The following APBA1 variants were observed in gnomAD, a reference collection of about 807,000 sequenced individuals.
The protein encoded by APBA1 is amyloid-beta A4 precursor protein-binding family A member 1.
APBA1 carries 55 observed loss-of-function variants against 86.6 expected under a neutral mutation model. The observed-to-expected ratio is 0.64, with a 90% CI of 0.51 to 0.80. The LOEUF (loss-of-function observed/expected upper bound fraction) is 0.80, where lower values mean the gene tolerates loss of function less well. Ranked by LOEUF, APBA1 falls within the 30% of genes least tolerant of loss-of-function variation. APBA1 has a pLI of 0.00. For missense variants in APBA1, 1,090 were observed against 1,183.0 expected, an observed-to-expected ratio of 0.92 and a Z score of 1.15; for synonymous variants, 511 against 493.9, an observed-to-expected ratio of 1.03 and a Z score of -0.46.
intron 1 of APBA1, among the ~76,000 whole-genome samples, chr9:69,549,948 T>C (rs1441319590): frequency 1.3e-5 from 2 of 152,222 alleles, no homozygotes; most frequent in Non-Finnish European, 2.9e-5. Context: ...ATCTGGAGTC[T>C]GGTATACATA....
intron 1 of APBA1, among the ~76,000 whole-genome samples, chr9:69,549,415 T>C (rs969041466): frequency 1.3e-5 from 2 of 152,226 alleles, no homozygotes; most frequent in African/African-American, 4.8e-5. Context: ...GCCTCTGCAC[T>C]TTTTGTCGTC....
rs148431058 is a variant in APBA1 at position 69,445,122 on chromosome 9, G to A, written c.2182-4007C>T. 2.2e-3 allele frequency among the ~76,000 whole-genome samples: 340 copies of A among 152,230 alleles called. 4 individuals are homozygous for A. Among genetic ancestry groups the A allele is most frequent in the African/African-American group, 7.2e-3 (300 of 41,536 alleles). On this transcript the variant is annotated intron_variant, in intron 10 of 12. Transcript: ENST00000265381. ...TACAGAAAATGTTACCCAACATACCGAAAAGCAAGAGAATGACTCTATTTT... is the reference window on the plus strand; with the variant it reads ...TACAGAAAATGTTACCCAACATACCAAAAAGCAAGAGAATGACTCTATTTT...
chr9:69,501,196 T>C (rs557117733), intron 2 of APBA1, among the ~76,000 whole-genome samples: 1 of 152,156 alleles, frequency 6.6e-6, no homozygotes, highest in South Asian at 2.1e-4. Flanking sequence ...GTGGCCTGTG[T>C]CTAAACAGAA....
In APBA1 at chr9:69,467,679, A is replaced by G. The variant is rs183454911; in HGVS notation, c.1482+144T>C. 1.7e-4 allele frequency: 191 copies of G among 1,126,398 alleles called. 1 individual carries two copies. Among genetic ancestry groups the G allele is most frequent in the Non-Finnish European group, 2.3e-4 (184 of 808,526 alleles). 69.8% of individuals were successfully genotyped at this position (1,126,398 alleles called of 1,614,324 possible). ...TTTTGGAAATTTTTGTTTTGTTAGC[A>G]GGCACATGGATAAGCACTGCCTGTG... On this transcript the variant is annotated intron_variant, in intron 5 of 12. Coordinates refer to ENST00000265381, the MANE Select transcript of APBA1 (RefSeq NM_001163.4).
At chr9:69,456,216 C>T in intron 8 of APBA1, 31 bp downstream of exon 8, 1 of 1,613,458 alleles carries the variant, frequency 6.2e-7, no homozygotes, top group Non-Finnish European at 8.5e-7. Context: ...AGAACCTAAC[C>T]CAAAAGGAGA....
rs1251649169 is a variant in APBA1 at position 69,607,404 on chromosome 9, CA to C, written c.-70+64748del. On this transcript the variant is annotated intron_variant, in intron 1 of 12. Coordinates refer to ENST00000265381, the MANE Select transcript of APBA1 (RefSeq NM_001163.4). ...CCCCCATGATTCAATTACCTCCCAC[CA>C]GGTCCCTCCCATGACACATGGGAAT... Among the ~76,000 whole-genome samples the C allele has an allele frequency of 7.9e-5, 12 of 152,274 alleles. No individual in the cohort carries two copies. In the East Asian group the frequency reaches 2.1e-3, roughly 27 times the overall value.
intron 2 of APBA1, among the ~76,000 whole-genome samples, chr9:69,498,586 C>T (rs1214451248): frequency 2.6e-5 from 4 of 152,114 alleles, no homozygotes; most frequent in Admixed American, 1.3e-4. Flanking sequence ...AGATTGTACA[C>T]TCTGCACCAG....
chr9:69,542,303 C>T (rs949009487), intron 1 of APBA1, among the ~76,000 whole-genome samples: 8 of 152,168 alleles, frequency 5.3e-5, no homozygotes, highest in South Asian at 4.2e-4. Context: ...CTTGGGAGTT[C>T]GCGCATGATG....
intron 5 of APBA1, 138 bp downstream of exon 5, chr9:69,467,685 A>G (rs1332605420): frequency 1.7e-6 from 2 of 1,184,150 alleles, no homozygotes; most frequent in Non-Finnish European, 1.2e-6. Context: ...TAGCAGGCAC[A>G]TGGATAAGCA....
At chr9:69,502,240 T>C (rs998188574) in intron 2 of APBA1, among the ~76,000 whole-genome samples, 3 of 152,078 alleles carry the variant, frequency 2.0e-5, no homozygotes, top group African/African-American at 7.2e-5. Context: ...AGTTTTGCTC[T>C]GGTGATTTCT....
intron 3 of APBA1, among the ~76,000 whole-genome samples, chr9:69,472,273 G>A (rs1321671762): frequency 6.6e-6 from 1 of 152,152 alleles, no homozygotes; most frequent in Non-Finnish European, 1.5e-5. Flanking sequence ...TAAAAACCCT[G>A]GAATTTCTTT....
rs1482800380 is a variant in APBA1 at position 69,430,110 on chromosome 9, T to C, written c.*1217A>G. 3 of 152,216 alleles carry C rather than the reference T, an allele frequency of 2.0e-5. No individual in the cohort carries two copies. Among genetic ancestry groups the C allele is most frequent in the African/African-American group, 7.2e-5 (3 of 41,448 alleles). The allele number at this position is 152,216 out of a possible 1,614,324, so 9.4% of individuals were successfully genotyped here. On this transcript the variant is annotated 3_prime_UTR_variant, in exon 13 of 13. Transcript: ENST00000265381. ...ACATCTGGGGATTCTGAGGCATAAC[T>C]TGAGGTTGCTATTGTCTCCTTAATT...
intron 5 of APBA1, chr9:69,463,530 T>G (rs966891594): frequency 6.6e-6 from 1 of 152,208 alleles, no homozygotes; most frequent in African/African-American, 2.4e-5. Flanking sequence ...TGGTACTACA[T>G]GAGTGGCGGA....
intron 1 of APBA1, among the ~76,000 whole-genome samples, chr9:69,587,223 C>A (rs1324474507): frequency 6.6e-6 from 1 of 152,156 alleles, no homozygotes; most frequent in East Asian, 1.9e-4. Flanking sequence ...AATAGTGGTC[C>A]AAGGTAATCA....
chr9:69,451,731 G>A (rs1302104689), intron 9 of APBA1, among the ~76,000 whole-genome samples: 2 of 152,160 alleles, frequency 1.3e-5, no homozygotes, highest in African/African-American at 4.8e-5. Context: ...TGAAACTTGA[G>A]ATCTTCTCTG....
At chr9:69,543,809 C>T (rs1241955744) in intron 1 of APBA1, among the ~76,000 whole-genome samples, 1 of 152,202 alleles carries the variant, frequency 6.6e-6, no homozygotes, top group Non-Finnish European at 1.5e-5. Flanking sequence ...AGCCATGCAT[C>T]TCTCCAATTT....
intron 1 of APBA1, among the ~76,000 whole-genome samples, chr9:69,604,338 A>T (rs1430044564): frequency 1.6e-5 from 2 of 127,946 alleles, no homozygotes; most frequent in African/African-American, 6.0e-5. Context: ...ATGCACACAC[A>T]TGAGGGTAAG....
At chr9:69,576,865 T>C (rs1375455317) in intron 1 of APBA1, among the ~76,000 whole-genome samples, 9 of 152,146 alleles carry the variant, frequency 5.9e-5, no homozygotes, top group Non-Finnish European at 1.0e-4. Context: ...ATAAAAAAAT[T>C]ATGCATTATT....
intron 1 of APBA1, among the ~76,000 whole-genome samples, chr9:69,546,747 G>A (rs1346415695): frequency 6.6e-6 from 1 of 152,182 alleles, no homozygotes; most frequent in East Asian, 1.9e-4. Context: ...TAAGGAGCAG[G>A]AGAGAGCAAA....
Sources: allele counts gnomAD v4.1 joint callset (sites outside exome capture counted in the v4.1 genomes callset), GRCh38; gene constraint gnomAD v4.1.1; transcripts MANE v1.5; gene names NCBI Gene and HGNC (gene_info 2026-07-23, HGNC 2026-07-21).